CADM2: variants seen among roughly 807,000 people sequenced by gnomAD.
The protein encoded by CADM2 is cell adhesion molecule 2.
In CADM2, 12 loss-of-function variants were observed where a neutral mutation model predicts 49.8. That is an observed-to-expected ratio of 0.24 (90% CI 0.15 to 0.39). The LOEUF (loss-of-function observed/expected upper bound fraction) is 0.39. CADM2 is among the 10% of genes least tolerant of loss of function. The probability of loss-of-function intolerance (pLI) is 1.00; values close to 1 mark genes in which losing one functional copy is unlikely to be tolerated. For missense variants in CADM2, 378 were observed against 492.3 expected, an observed-to-expected ratio of 0.77 and a Z score of 2.20; for synonymous variants, 214 against 175.4, an observed-to-expected ratio of 1.22 and a Z score of -1.74.
intron 1 of CADM2, among the ~76,000 whole-genome samples, chr3:85,144,270 CAT>C (rs1491140271): frequency 1.2e-3 from 178 of 151,472 alleles, no homozygotes; most frequent in African/African-American, 2.7e-3. Flanking sequence ...CACACACACA[CAT>C]GTGCACACAA....
At chr3:85,801,989 G>GTGATC in intron 2 of CADM2, 58 bp from the exon 3 acceptor site, 1 of 1,411,528 alleles carries the variant, frequency 7.1e-7, no homozygotes, top group Non-Finnish European at 9.7e-7. Flanking sequence ...GTAGATCTTA[G>GTGATC]GCAGTTAATC....
chr3:85,731,521 C>T (rs532352947), intron 2 of CADM2, among the ~76,000 whole-genome samples: 1 of 152,198 alleles, frequency 6.6e-6, no homozygotes, highest in Admixed American at 6.5e-5. Flanking sequence ...ATTACTATCA[C>T]AATTTAAATT....
rs115728499 is a variant in CADM2 at position 86,029,621 on chromosome 3, C to T, written c.971-35984C>T. 6.6e-3 allele frequency among the ~76,000 whole-genome samples: 1,007 copies of T among 151,798 alleles called. 11 individuals are homozygous for T. The highest frequency in any genetic ancestry group is 0.023 in the African/African-American group (937 of 41,398). On this transcript the variant is annotated intron_variant, in intron 8 of 9. Coordinates refer to ENST00000383699, the MANE Select transcript of CADM2 (RefSeq NM_001167675.2). ...AGGAAAGATCATTGTCTCAATGTAT[C>T]GGAGTGCATAAAAGCTAAGAAGATA...
intron 1 of CADM2, among the ~76,000 whole-genome samples, chr3:85,056,847 A>G (rs1236880828): frequency 6.6e-6 from 1 of 152,124 alleles, no homozygotes; most frequent in Non-Finnish European, 1.5e-5. Context: ...CGCTGAAAAA[A>G]GGAAGTAAAT....
intron 6 of CADM2, among the ~76,000 whole-genome samples, chr3:85,918,972 C>G (rs1320912981): frequency 6.6e-6 from 1 of 151,872 alleles, no homozygotes; most frequent in Non-Finnish European, 1.5e-5. Context: ...ACTGAATATT[C>G]ATTTTCTGTA....
At chr3:85,019,282 C>T (rs531578660) in intron 1 of CADM2, among the ~76,000 whole-genome samples, 11 of 151,998 alleles carry the variant, frequency 7.2e-5, no homozygotes, top group Middle Eastern at 3.4e-3. Context: ...CAGAAGTTTG[C>T]GACCAACCTG....
intron 1 of CADM2, among the ~76,000 whole-genome samples, chr3:85,723,467 T>G (rs1444825453): frequency 6.6e-6 from 1 of 152,126 alleles, no homozygotes; most frequent in Non-Finnish European, 1.5e-5. Flanking sequence ...TTCATGACAG[T>G]ATTCCTGTCA....
chr3:85,497,741 A>C (rs866317554), intron 1 of CADM2, among the ~76,000 whole-genome samples: 1 of 152,074 alleles, frequency 6.6e-6, no homozygotes, highest in African/African-American at 2.4e-5. Flanking sequence ...ACCAGGAGGA[A>C]GGTTATGGGG....
At chr3:85,756,194 G>A (rs1392185519) in intron 2 of CADM2, among the ~76,000 whole-genome samples, 1 of 151,868 alleles carries the variant, frequency 6.6e-6, no homozygotes, top group Non-Finnish European at 1.5e-5. Flanking sequence ...AGCATAAAAA[G>A]AGATTTAATG....
chr3:85,283,572 A>G (rs1422125257), intron 1 of CADM2, among the ~76,000 whole-genome samples: 4 of 152,072 alleles, frequency 2.6e-5, no homozygotes, highest in Non-Finnish European at 4.4e-5. Flanking sequence ...TGTATTTTAT[A>G]GTGCTATATT....
chr3:85,346,312 CAAAT>C (rs2107216229), intron 1 of CADM2, among the ~76,000 whole-genome samples: 1 of 152,180 alleles, frequency 6.6e-6, no homozygotes, highest in African/African-American at 2.4e-5. Context: ...ATGAAGTAGA[CAAAT>C]AGATCTACTA....
At chr3:85,598,563 A>C (rs2063308759) in intron 1 of CADM2, among the ~76,000 whole-genome samples, 1 of 151,956 alleles carries the variant, frequency 6.6e-6, no homozygotes, top group Admixed American at 6.6e-5. Flanking sequence ...AAAGAACAGG[A>C]AGGTACAGAG....
At chr3:85,332,613 T>C (rs1457570693) in intron 1 of CADM2, among the ~76,000 whole-genome samples, 2 of 152,000 alleles carry the variant, frequency 1.3e-5, no homozygotes, top group Non-Finnish European at 2.9e-5. Context: ...TATGTAAAAA[T>C]GAAATATACA....
intron 1 of CADM2, among the ~76,000 whole-genome samples, chr3:85,661,993 A>G (rs1577040242): frequency 6.6e-6 from 1 of 152,026 alleles, no homozygotes; most frequent in African/African-American, 2.4e-5. Context: ...TATTCATTGT[A>G]TCTGCCTTAA....
intron 8 of CADM2, among the ~76,000 whole-genome samples, chr3:85,983,602 C>T (rs1032074937): frequency 1.3e-5 from 2 of 151,632 alleles, no homozygotes; most frequent in Non-Finnish European, 2.9e-5. Context: ...TGTTTACCAG[C>T]AGTTGTATCA....
chr3:85,876,818 TA>T (rs2108369689), intron 3 of CADM2, among the ~76,000 whole-genome samples: 1 of 152,246 alleles, frequency 6.6e-6, no homozygotes, highest in Non-Finnish European at 1.5e-5. Flanking sequence ...TAATTTGGTC[TA>T]AAACTAACTA....
At chr3:85,529,336 C>G (rs566119765) in intron 1 of CADM2, among the ~76,000 whole-genome samples, 1 of 152,272 alleles carries the variant, frequency 6.6e-6, no homozygotes, top group East Asian at 1.9e-4. Context: ...CTTTCCCAAG[C>G]TTGAAGAAAT....
chr3:85,188,449 A>T (rs113669173), intron 1 of CADM2, among the ~76,000 whole-genome samples: 1 of 152,152 alleles, frequency 6.6e-6, no homozygotes, highest in African/African-American at 2.4e-5. Context: ...AATGTCTATA[A>T]TTATTTCTGT....
intron 4 of CADM2, among the ~76,000 whole-genome samples, chr3:85,883,665 G>C (rs948583798): frequency 6.6e-6 from 1 of 152,174 alleles, no homozygotes; most frequent in Non-Finnish European, 1.5e-5. Flanking sequence ...ATGACTTCTA[G>C]AAGGCACATA....
Sources: allele counts gnomAD v4.1 joint callset (sites outside exome capture counted in the v4.1 genomes callset), GRCh38; gene constraint gnomAD v4.1.1; transcripts MANE v1.5; gene names NCBI Gene and HGNC (gene_info 2026-07-23, HGNC 2026-07-21).